The following FER variants were observed in gnomAD, a reference collection of about 807,000 sequenced individuals.
FER encodes FER tyrosine kinase, also known as tyrosine-protein kinase Fer.
Under a neutral mutation model 111.0 loss-of-function variants are expected in FER, and 63 were observed. That is an observed-to-expected ratio of 0.57 (90% confidence interval 0.46 to 0.70). FER has a LOEUF of 0.70. Ranked by LOEUF, FER falls within the 30% of genes least tolerant of loss-of-function variation. The pLI is 0.00. For synonymous variants in FER, 327 were observed against 313.9 expected, an observed-to-expected ratio of 1.04 and a Z score of -0.44; for missense variants, 914 against 954.0, an observed-to-expected ratio of 0.96 and a Z score of 0.55.
intron 17 of FER, among the ~76,000 whole-genome samples, chr5:109,177,227 C>T (rs1757800363): frequency 6.6e-6 from 1 of 151,990 alleles, no homozygotes; most frequent in South Asian, 2.1e-4. Context: ...ATAATTATCC[C>T]CTTTTTATCA....
intron 2 of FER, among the ~76,000 whole-genome samples, chr5:108,793,465 T>C (rs1031262316): frequency 5.4e-5 from 8 of 148,740 alleles, no homozygotes; most frequent in African/African-American, 7.5e-5. Context: ...GCAAAAAACA[T>C]AGGAGTGCAG....
intron 4 of FER, among the ~76,000 whole-genome samples, chr5:108,833,841 T>C (rs1183383831): frequency 2.7e-5 from 4 of 148,842 alleles, no homozygotes; most frequent in Non-Finnish European, 4.4e-5. Context: ...ACCACTGCAC[T>C]CCAGCCTGGG....
At chr5:109,032,573 A>T (rs959341269) in intron 13 of FER, among the ~76,000 whole-genome samples, 14 of 152,168 alleles carry the variant, frequency 9.2e-5, no homozygotes, top group African/African-American at 3.4e-4. Flanking sequence ...AGTTATTAGA[A>T]CTAGATTCAG....
Position 109,174,976 on chromosome 5 carries a change from T to G in FER, c.2049-5771T>G, listed in dbSNP as rs115024581. 9.8e-3 allele frequency among the ~76,000 whole-genome samples: 1,488 copies of G among 152,264 alleles called. 27 individuals carry two copies. The highest frequency in any genetic ancestry group is 0.034 in the African/African-American group (1,402 of 41,556). ...AGCTTCCTGGGCTTCAGTTTTATCA[T>G]CTATAGGAATGGAGATCATAAGTAC... On this transcript the variant is annotated intron_variant, in intron 17 of 19. Coordinates refer to ENST00000281092, the MANE Select transcript of FER (RefSeq NM_005246.4).
At chr5:108,945,702 GT>G (rs139597700) in intron 10 of FER, among the ~76,000 whole-genome samples, 18,843 of 149,958 alleles carry the variant, frequency 0.13, 1,229 homozygotes, top group Middle Eastern at 0.16. Context: ...TTTTATTCCT[GT>G]TTTTTTTTGT....
intron 2 of FER, among the ~76,000 whole-genome samples, chr5:108,769,904 G>C (rs1335105231): frequency 6.6e-6 from 1 of 152,050 alleles, no homozygotes; most frequent in Non-Finnish European, 1.5e-5. Flanking sequence ...ATATATACTA[G>C]TTAATACTTT....
chr5:109,125,678 A>G (rs754943763), intron 17 of FER, among the ~76,000 whole-genome samples: 23 of 152,210 alleles, frequency 1.5e-4, no homozygotes, highest in African/African-American at 5.5e-4. Flanking sequence ...TAGTAGCAGT[A>G]TTGTTTCTGA....
At chr5:108,791,157 A>G (rs1323503604) in intron 2 of FER, among the ~76,000 whole-genome samples, 4 of 152,210 alleles carry the variant, frequency 2.6e-5, no homozygotes, top group Admixed American at 6.5e-5. Context: ...GGTCGGGTAT[A>G]TACCTGGGAG....
chr5:108,878,611 G>T (rs568901036), intron 8 of FER, among the ~76,000 whole-genome samples: 1 of 152,060 alleles, frequency 6.6e-6, no homozygotes, highest in East Asian at 1.9e-4. Flanking sequence ...TCCATTGATG[G>T]AGTTGGTGCT....
rs573487688 is a variant in FER, at chr5:108,980,048, T to G, written c.1656+20701T>G. Among the ~76,000 whole-genome samples, 241 of 133,060 alleles carry G rather than the reference T, an allele frequency of 1.8e-3. 1 individual carries two copies. Among genetic ancestry groups the G allele is most frequent in the African/African-American group, 8.4e-3 (228 of 27,018 alleles). The allele number at this position is 133,060 out of a possible 152,430, so 87.3% of individuals were successfully genotyped here. A position where few individuals can be genotyped will look rare whatever the true frequency, so the allele number is the denominator to read the frequency against. On this transcript the variant is annotated intron_variant, in intron 13 of 19. Transcript: ENST00000281092. ...ACTGTTCTAAATTACAAAACTTTTGTTTTTTTTCTGTTCAGCCCATACTGA... is the reference window on the plus strand; with the variant it reads ...ACTGTTCTAAATTACAAAACTTTTGGTTTTTTTCTGTTCAGCCCATACTGA...
At chr5:108,836,356 G>A (rs1312393290) in intron 5 of FER, among the ~76,000 whole-genome samples, 1 of 151,982 alleles carries the variant, frequency 6.6e-6, no homozygotes, top group Non-Finnish European at 1.5e-5. Flanking sequence ...TAAGTACTTA[G>A]GTGATCTTGT....
intron 1 of FER, among the ~76,000 whole-genome samples, chr5:108,764,558 C>T (rs985753215): frequency 7.2e-5 from 11 of 151,866 alleles, no homozygotes; most frequent in Non-Finnish European, 1.0e-4. Flanking sequence ...CCACCATGCC[C>T]GGCTGATTTT....
At chr5:108,836,677 A>G (rs545232688) in intron 5 of FER, among the ~76,000 whole-genome samples, 1 of 152,258 alleles carries the variant, frequency 6.6e-6, no homozygotes, top group South Asian at 2.1e-4. Context: ...TAGTAAATGA[A>G]GTAAACAGCT....
chr5:108,984,238 G>A (rs1334766001), intron 13 of FER, among the ~76,000 whole-genome samples: 7 of 152,052 alleles, frequency 4.6e-5, no homozygotes, highest in East Asian at 1.9e-4. Flanking sequence ...TTTATGGGGA[G>A]TTAAAGTTAC....
intron 5 of FER, among the ~76,000 whole-genome samples, chr5:108,853,499 G>A (rs1762721571): frequency 2.0e-5 from 3 of 152,192 alleles, no homozygotes; most frequent in African/African-American, 4.8e-5. Flanking sequence ...TATTCCTCAT[G>A]GAGAAAGAAA....
At chr5:108,919,342 A>T (rs1005694060) in intron 10 of FER, among the ~76,000 whole-genome samples, 2 of 152,010 alleles carry the variant, frequency 1.3e-5, no homozygotes, top group African/African-American at 2.4e-5. Context: ...ATGAGTAAAG[A>T]GTACAGAAAA....
At chr5:108,893,766 A>AT (rs1349710836) in intron 9 of FER, among the ~76,000 whole-genome samples, 4 of 152,160 alleles carry the variant, frequency 2.6e-5, no homozygotes, top group Admixed American at 2.6e-4. Context: ...CCTTATGGTC[A>AT]TAAGAGCTTG....
At chr5:108,756,406 G>A (rs1211197076) in intron 1 of FER, among the ~76,000 whole-genome samples, 3 of 151,706 alleles carry the variant, frequency 2.0e-5, no homozygotes, top group Non-Finnish European at 4.4e-5. Flanking sequence ...TTTGTAATAT[G>A]GAAAATCCAG....
intron 13 of FER, among the ~76,000 whole-genome samples, chr5:109,033,860 A>C (rs1769988982): frequency 6.6e-6 from 1 of 152,190 alleles, no homozygotes; most frequent in Non-Finnish European, 1.5e-5. Context: ...TTAATTAACA[A>C]ATAATAATTG....
Sources: gnomAD v4.1 joint callset for allele counts (sites outside exome capture counted in the v4.1 genomes callset) on GRCh38, gnomAD v4.1.1 for gene constraint, MANE v1.5 for transcripts, NCBI Gene and HGNC (gene_info 2026-07-23, HGNC 2026-07-21) for gene names.